The following CCDC6 variants were observed in gnomAD, a reference collection of about 807,000 sequenced individuals.
The protein encoded by CCDC6 is coiled-coil domain-containing protein 6.
CCDC6 carries 20 observed loss-of-function variants against 56.6 expected under a neutral mutation model. The observed-to-expected ratio is 0.35, with a 90% CI of 0.25 to 0.51. CCDC6 has a LOEUF of 0.51. Among genes scored for constraint, CCDC6 ranks in the 20% least tolerant of loss-of-function variants. The pLI, the probability that CCDC6 is intolerant of heterozygous loss-of-function variation, is 0.95. For synonymous variants in CCDC6, 241 were observed against 234.4 expected, an observed-to-expected ratio of 1.03 and a Z score of -0.26; for missense variants, 367 against 601.1, an observed-to-expected ratio of 0.61 and a Z score of 4.07.
At chr10:59,833,956 G>A (rs2070857515) in intron 2 of CCDC6, among the ~76,000 whole-genome samples, 2 of 152,250 alleles carry the variant, frequency 1.3e-5, no homozygotes, top group Admixed American at 6.5e-5. Flanking sequence ...GCTCTCTCCC[G>A]CTGTATCACT....
At chr10:59,876,638 C>T (rs187107272) in intron 1 of CCDC6, among the ~76,000 whole-genome samples, 55 of 141,536 alleles carry the variant, frequency 3.9e-4, no homozygotes, top group East Asian at 1.3e-3. Flanking sequence ...TGCTTCCAAA[C>T]TGTCCTAGCA....
At position 59,862,552 on chromosome 10, in the gene CCDC6, CACACAT is replaced by C. The variant is rs1180964889; in HGVS notation, c.304-9856_304-9851del. 8.7e-3 allele frequency among the ~76,000 whole-genome samples: 708 copies of C among 81,612 alleles called. 64 individuals carry two copies. The highest frequency in any genetic ancestry group is 0.039 in the African/African-American group (651 of 16,832). The allele number at this position is 81,612 out of a possible 152,430, so 53.5% of individuals were successfully genotyped here. On this transcript the variant is annotated intron_variant, in intron 1 of 8. Coordinates refer to ENST00000263102, the MANE Select transcript of CCDC6 (RefSeq NM_005436.5). ...ACACACACACACACACACACACACA[CACACAT>C]ATATATACACATACACACACACACA...
At chr10:59,869,686 A>G (rs998679826) in intron 1 of CCDC6, among the ~76,000 whole-genome samples, 17 of 152,030 alleles carry the variant, frequency 1.1e-4, no homozygotes, top group Non-Finnish European at 1.6e-4. Flanking sequence ...ACCCGTGCTC[A>G]TTCTGCACAC....
At chr10:59,847,790 T>G (rs965614797) in intron 2 of CCDC6, among the ~76,000 whole-genome samples, 1 of 149,524 alleles carries the variant, frequency 6.7e-6, no homozygotes, top group Non-Finnish European at 1.5e-5. Context: ...AATTACTCTA[T>G]AACATTCTGG....
chr10:59,802,593 C>A (rs2070587785), intron 7 of CCDC6, among the ~76,000 whole-genome samples: 1 of 152,052 alleles, frequency 6.6e-6, no homozygotes. Context: ...AAAATATTCT[C>A]ATTTAGGCTA....
chr10:59,869,130 C>T (rs1276929269), intron 1 of CCDC6, among the ~76,000 whole-genome samples: 1 of 152,002 alleles, frequency 6.6e-6, no homozygotes, highest in Non-Finnish European at 1.5e-5. Flanking sequence ...GAGCACACTT[C>T]ATCCCTACCA....
intron 3 of CCDC6, among the ~76,000 whole-genome samples, chr10:59,822,563 T>C (rs2070757226): frequency 6.6e-6 from 1 of 152,174 alleles, no homozygotes; most frequent in Non-Finnish European, 1.5e-5. Context: ...GTTGCAAATA[T>C]ACTATCAGAT....
In CCDC6 at chr10:59,813,180, C is replaced by A. The variant is rs145839744; in HGVS notation, c.687-385G>T. ...GAAGATGCTGAGGAAATTCCATTTT[C>A]TTACGGCTTTTGATTGAAGCTTCTA... is the stretch of plus-strand genomic sequence containing the variant. On this transcript the variant is annotated intron_variant, in intron 4 of 8. Coordinates refer to ENST00000263102, the MANE Select transcript of CCDC6 (RefSeq NM_005436.5). Among the ~76,000 whole-genome samples the A allele has an allele frequency of 5.2e-3, 796 of 152,284 alleles. 5 individuals are homozygous for A. Among genetic ancestry groups the A allele is most frequent in the African/African-American group, 0.018 (750 of 41,554 alleles).
At position 59,792,922 on chromosome 10, in the gene CCDC6, G is replaced by C; in HGVS notation, c.1420C>G (p.Pro474Ala). 1 of 1,610,200 alleles carries C rather than the reference G, an allele frequency of 6.2e-7. No homozygotes were observed. The highest frequency in any genetic ancestry group is 1.1e-5 in the South Asian group (1 of 90,336). The change falls in exon 9 of 9, where the codon CCT becomes GCT. Residue 474 changes from proline (P) to alanine (A), a missense_variant. Physicochemically the swap from Pro to Ala is conservative, Grantham distance 27. Coordinates refer to ENST00000263102, the MANE Select transcript of CCDC6 (RefSeq NM_005436.5). ...SQHSAHPSSQ[P>A] is the part of the protein sequence containing the mutation. Reference sequence around the variant, plus strand: ...ATTCAGACTAAGCTCATGCATTAAGGCTGGGAGGAGGGGTGCGCCGAATGT... The same window carrying C: ...ATTCAGACTAAGCTCATGCATTAAGCCTGGGAGGAGGGGTGCGCCGAATGT...
At chr10:59,846,441 C>T (rs529441778) in intron 2 of CCDC6, among the ~76,000 whole-genome samples, 1 of 152,286 alleles carries the variant, frequency 6.6e-6, no homozygotes, top group African/African-American at 2.4e-5. Flanking sequence ...TTCCTGTCCT[C>T]TCTCATCTTT....
At chr10:59,799,660 C>T (rs984630110) in intron 7 of CCDC6, among the ~76,000 whole-genome samples, 3 of 152,162 alleles carry the variant, frequency 2.0e-5, no homozygotes, top group African/African-American at 7.2e-5. Flanking sequence ...TAATGGTGTG[C>T]CCTAGCCTGA....
At chr10:59,858,591 C>T (rs559235226) in intron 1 of CCDC6, among the ~76,000 whole-genome samples, 29 of 152,280 alleles carry the variant, frequency 1.9e-4, no homozygotes, top group African/African-American at 6.7e-4. Context: ...ACCAGGTAGT[C>T]GTCACTGCCC....
At position 59,876,067 on chromosome 10, in the gene CCDC6, A is replaced by AC. The variant is rs1491267970; in HGVS notation, c.304-23366_304-23365insG. Reference sequence around the variant, plus strand: ...TACACACATACACGAGTGCATGCACAGATGTCTTTTTTTTTTTTTTTTTTC... The same window carrying AC: ...TACACACATACACGAGTGCATGCACACGATGTCTTTTTTTTTTTTTTTTTTC... On this transcript the variant is annotated intron_variant, in intron 1 of 8. Transcript: ENST00000263102. Among the ~76,000 whole-genome samples, 15 of 8,636 alleles carry AC rather than the reference A, an allele frequency of 1.7e-3. 3 individuals are homozygous for AC. Among genetic ancestry groups the AC allele is most frequent in the East Asian group, 0.02 (1 of 50 alleles). The allele number at this position is 8,636 out of a possible 152,430, so 5.7% of individuals were successfully genotyped here. A position where few individuals can be genotyped will look rare whatever the true frequency, so the allele number is the denominator to read the frequency against.
intron 7 of CCDC6, among the ~76,000 whole-genome samples, chr10:59,801,389 C>T (rs1448421317): frequency 2.6e-5 from 4 of 152,218 alleles, no homozygotes; most frequent in African/African-American, 9.7e-5. Context: ...GTGGTAAGTT[C>T]TGTGCTGCCG....
At chr10:59,883,372 G>T (rs936282049) in intron 1 of CCDC6, among the ~76,000 whole-genome samples, 3 of 152,064 alleles carry the variant, frequency 2.0e-5, no homozygotes, top group Non-Finnish European at 2.9e-5. Flanking sequence ...CCTTGCAAAG[G>T]TATTGCAGAA....
At chr10:59,841,017 C>T (rs376191105) in intron 2 of CCDC6, among the ~76,000 whole-genome samples, 1 of 152,294 alleles carries the variant, frequency 6.6e-6, no homozygotes, top group East Asian at 1.9e-4. Flanking sequence ...TGCTACTCTG[C>T]TCAAAACCCT....
chr10:59,867,471 T>C (rs190782487), intron 1 of CCDC6, among the ~76,000 whole-genome samples: 6 of 152,358 alleles, frequency 3.9e-5, no homozygotes, highest in East Asian at 1.9e-4. Context: ...AGGCTTCATA[T>C]GTATGATAAA....
At chr10:59,795,616 C>T (rs896894427) in intron 7 of CCDC6, among the ~76,000 whole-genome samples, 6 of 144,180 alleles carry the variant, frequency 4.2e-5, no homozygotes, top group Non-Finnish European at 9.1e-5. Flanking sequence ...AATGTTATGC[C>T]TCTCCCCTCC....
At chr10:59,843,723 T>C (rs1333271675) in intron 2 of CCDC6, among the ~76,000 whole-genome samples, 2 of 152,182 alleles carry the variant, frequency 1.3e-5, no homozygotes, top group African/African-American at 4.8e-5. Flanking sequence ...GAAAATTCCA[T>C]CTCCTTTGGC....
Sources: gnomAD v4.1 joint callset for allele counts (sites outside exome capture counted in the v4.1 genomes callset) on GRCh38, gnomAD v4.1.1 for gene constraint, MANE v1.5 for transcripts, NCBI Gene and HGNC (gene_info 2026-07-23, HGNC 2026-07-21) for gene names.